The following URB1 variants were observed in gnomAD, a reference collection of about 807,000 sequenced individuals.
URB1 encodes URB1 ribosome biogenesis factor.
In URB1, 197 loss-of-function variants were observed where a neutral mutation model predicts 242.3. That is an observed-to-expected ratio of 0.81 (90% CI 0.72 to 0.91). The LOEUF (loss-of-function observed/expected upper bound fraction) is 0.91, where lower values mean the gene tolerates loss of function less well. Among genes scored for constraint, URB1 ranks in the 40% least tolerant of loss-of-function variants. The probability of loss-of-function intolerance (pLI) is 0.00; values close to 1 mark genes in which losing one functional copy is unlikely to be tolerated. For missense variants in URB1, 2,721 were observed against 2,860.5 expected (o/e 0.95, Z 1.11); for synonymous variants, 1,153 against 1,201.8 (o/e 0.96, Z 0.84).
intron 22 of URB1, among the ~76,000 whole-genome samples, chr21:32,346,486 T>A (rs756066503): frequency 3.9e-5 from 6 of 152,142 alleles, no homozygotes; most frequent in East Asian, 1.9e-4. Context: ...TACATTAAAT[T>A]TGGGGTAATT....
chr21:32,327,240 A>G (rs189061899), intron 30 of URB1, among the ~76,000 whole-genome samples: 2 of 152,348 alleles, frequency 1.3e-5, no homozygotes, highest in Admixed American at 1.3e-4. Flanking sequence ...TCTTAAGAGC[A>G]GCCACATGAC....
chr21:32,350,745 C>T lies in URB1; in HGVS notation c.2791G>A (p.Val931Met). ...MQQVLLAAKQ[V>M]LLYLRSTVEN... is the part of the protein sequence containing the mutation. ...ACAGTGCTCCGCAGGTAGAGCAACA[C>T]CTGCTTGGCCGCGAGCAGGACCTGC... The change falls in exon 20 of 39, where the codon GTG becomes ATG. Residue 931 changes from valine (V) to methionine (M), a missense_variant. Physicochemically the swap from Val to Met is conservative, Grantham distance 21 (BLOSUM62 1). Coordinates refer to ENST00000382751, the MANE Select transcript of URB1 (RefSeq NM_014825.3). 1 of 1,551,530 alleles carries T rather than the reference C, an allele frequency of 6.4e-7. No individual in the cohort carries two copies. The highest frequency in any genetic ancestry group is 8.7e-7 in the Non-Finnish European group (1 of 1,147,008).
At position 32,334,351 on chromosome 21, in the gene URB1, G is replaced by GA. The variant is rs1023575427; in HGVS notation, c.4686-18dup. ...AGCAGCACCCTAGAGCCAGAAAAGG[G>GA]AAAAGAGACTGGTCACAGAGCCCCC... is the stretch of plus-strand genomic sequence containing the variant. On this transcript the variant is annotated splice_polypyrimidine_tract_variant and intron_variant, in intron 28 of 38. Coordinates refer to ENST00000382751, the MANE Select transcript of URB1 (RefSeq NM_014825.3). The GA allele has an allele frequency of 2.0e-6, 3 of 1,533,054 alleles. No homozygotes were observed. In the South Asian group the frequency reaches 3.6e-5, roughly 19 times the overall value. 95.0% of individuals were successfully genotyped at this position (1,533,054 alleles called of 1,614,324 possible).
At chr21:32,328,774 C>T (rs1167680759) in intron 30 of URB1, among the ~76,000 whole-genome samples, 1 of 152,186 alleles carries the variant, frequency 6.6e-6, no homozygotes. Context: ...CTCTGCTACT[C>T]TATGAAAATC....
chr21:32,319,738 A>T (rs112436321), intron 35 of URB1, among the ~76,000 whole-genome samples: 18 of 152,336 alleles, frequency 1.2e-4, no homozygotes, highest in African/African-American at 3.6e-4. Context: ...TATAAACCTG[A>T]AACAGTCTTG....
At chr21:32,346,818 T>A in intron 22 of URB1, 138 bp downstream of exon 22, 2 of 1,253,722 alleles carry the variant, frequency 1.6e-6, no homozygotes, top group Non-Finnish European at 2.1e-6. Flanking sequence ...TTCTCCATCT[T>A]CAGAGTTGTG....
intron 5 of URB1, among the ~76,000 whole-genome samples, chr21:32,376,756 G>A (rs2033463415): frequency 6.6e-6 from 1 of 152,006 alleles, no homozygotes. Flanking sequence ...TCCCACCTCA[G>A]CTTCCCAAGT....
At position 32,338,803 on chromosome 21, in the gene URB1, G is replaced by C; in HGVS notation, c.4414C>G (p.Leu1472Val). The change falls in exon 26 of 39, where the codon CTC (leucine) becomes GTC (valine). Residue 1472 changes from leucine to valine, a missense_variant. Leu to Val is a conservative substitution (Grantham distance 32). Transcript: ENST00000382751. ...ATGAGCATCACGTAGACCACCGGGA[G>C]CTGGATGAGCTTCGTGCGCACGGAG... Reference protein sequence around the residue: ...ESSVRTKLIQLPVVYVMLMQH... With the variant: ...ESSVRTKLIQVPVVYVMLMQH... 6.4e-7 allele frequency: 1 copy of C among 1,551,768 alleles called. No homozygotes were observed. Among genetic ancestry groups the C allele is most frequent in the Non-Finnish European group, 8.7e-7 (1 of 1,147,020 alleles).
chr21:32,324,680 AC>A, intron 31 of URB1, 78 bp from the exon 32 acceptor site: 2 of 1,129,062 alleles, frequency 1.8e-6, no homozygotes, highest in Non-Finnish European at 2.6e-6. Context: ...GTGCAGCCGA[AC>A]CAGGGCTCGG....
chr21:32,335,783 C>T (rs531274087), intron 28 of URB1, among the ~76,000 whole-genome samples: 2 of 152,346 alleles, frequency 1.3e-5, no homozygotes, highest in Non-Finnish European at 2.9e-5. Flanking sequence ...CGAGCTCAGG[C>T]CTGCTCCCTC....
intron 1 of URB1, among the ~76,000 whole-genome samples, chr21:32,388,831 G>A (rs935836404): frequency 6.6e-6 from 1 of 152,196 alleles, no homozygotes; most frequent in Non-Finnish European, 1.5e-5. Flanking sequence ...GAAACTGCTG[G>A]CCTGTTATGT....
At chr21:32,355,344 C>A in intron 16 of URB1, 105 bp downstream of exon 16, 2 of 1,005,612 alleles carry the variant, frequency 2.0e-6, no homozygotes, top group African/African-American at 1.6e-5. Flanking sequence ...TAAGCCAGGA[C>A]GAGAAGCCTT....
Position 32,311,516 on chromosome 21 carries a change from G to C in URB1, c.*3402C>G, listed in dbSNP as rs2032570679. 2.2e-6 allele frequency: 2 copies of C among 923,774 alleles called. No homozygotes were observed. Among genetic ancestry groups the C allele is most frequent in the Middle Eastern group, 2.9e-4 (1 of 3,476 alleles). 57.2% of individuals were successfully genotyped at this position (923,774 alleles called of 1,614,324 possible). A position where few individuals can be genotyped will look rare whatever the true frequency, so the allele number is the denominator to read the frequency against. On this transcript the variant is annotated 3_prime_UTR_variant, in exon 39 of 39. Transcript: ENST00000382751. ...CTTCCTCTCCTCTGAGATTTCTCTA[G>C]AATGGCCACCTTTGTGAGCTGGCTG...
At chr21:32,378,400 T>C (rs1490922815) in intron 5 of URB1, 45 bp downstream of exon 5, 2 of 1,526,598 alleles carry the variant, frequency 1.3e-6, no homozygotes, top group East Asian at 2.5e-5. Flanking sequence ...CAGTAGGTTT[T>C]TCAAAACAAA....
Position 32,359,809 on chromosome 21 carries a change from C to T in URB1, c.1856G>A (p.Trp619Ter). The change falls in exon 14 of 39, where the codon TGG becomes TAG. Residue 619 changes from tryptophan to a stop codon, truncating the protein, a stop_gained. Transcript: ENST00000382751. LOFTEE classifies it high-confidence loss of function. Reference sequence around the variant, plus strand: ...TCTGCTTCCTACCTGTGCCTTTAACCACAGAAACTTGCTGGCCGGCAGCTC... The same window carrying T: ...TCTGCTTCCTACCTGTGCCTTTAACTACAGAAACTTGCTGGCCGGCAGCTC... Reference protein sequence around the residue: ...ALELPASKFLWLKAQEGPDAE... With the variant: ...ALELPASKFL 1 of 1,546,356 alleles carries T rather than the reference C, an allele frequency of 6.5e-7. No homozygotes were observed. Among genetic ancestry groups the T allele is most frequent in the Non-Finnish European group, 8.7e-7 (1 of 1,145,222 alleles).
chr21:32,357,220 C>T (rs1192288436), intron 15 of URB1, among the ~76,000 whole-genome samples: 1 of 151,422 alleles, frequency 6.6e-6, no homozygotes, highest in Non-Finnish European at 1.5e-5. Context: ...TGGATAACGC[C>T]AGAGCCTGAG....
Position 32,314,512 on chromosome 21 carries a change from G to A in URB1, c.*406C>T, listed in dbSNP as rs367708511. ...AAATAAACTTTAAACATCTCTCTTC[G>A]TTTTCATAAAAAAAATCTGATACCT... On this transcript the variant is annotated 3_prime_UTR_variant, in exon 39 of 39. Coordinates refer to ENST00000382751, the MANE Select transcript of URB1 (RefSeq NM_014825.3). 10 of 1,580,804 alleles carry A rather than the reference G, an allele frequency of 6.3e-6. No homozygotes were observed. Among genetic ancestry groups the A allele is most frequent in the South Asian group, 1.1e-5 (1 of 90,442 alleles).
At chr21:32,334,975 T>C (rs1601128699) in intron 28 of URB1, among the ~76,000 whole-genome samples, 1 of 152,010 alleles carries the variant, frequency 6.6e-6, no homozygotes, top group East Asian at 1.9e-4. Flanking sequence ...AGCCTAGCAC[T>C]TCCCCCAACT....
At chr21:32,361,159 A>AAAAGAAAGAAAGAGAG (rs1555839833) in intron 12 of URB1, 36 bp from the exon 13 acceptor site, 1 of 264,830 alleles carries the variant, frequency 3.8e-6, no homozygotes, top group African/African-American at 2.9e-5. Context: ...AAAAAGAGAA[A>AAAAGAAAGAAAGAGAG]AAAGAAAGAA....
Sources: gnomAD v4.1 joint callset for allele counts (sites outside exome capture counted in the v4.1 genomes callset) on GRCh38, gnomAD v4.1.1 for gene constraint, MANE v1.5 for transcripts, NCBI Gene and HGNC (gene_info 2026-07-23, HGNC 2026-07-21) for gene names.